Variants in CCDC178 observed in about 807,000 individuals in gnomAD.
CCDC178 encodes the protein coiled-coil domain containing 178, also known as coiled-coil domain-containing protein 178.
A neutral mutation model predicts 117.4 loss-of-function variants in CCDC178; 126 were observed. That is an observed-to-expected ratio of 1.07 (90% CI 0.93 to 1.24). The LOEUF is 1.24. Ranked by LOEUF, CCDC178 falls within the 50% of genes most tolerant of loss-of-function variation. The pLI is 0.00. For missense variants in CCDC178, 1,030 were observed against 986.9 expected, an observed-to-expected ratio of 1.04 and a Z score of -0.59; for synonymous variants, 283 against 313.4, an observed-to-expected ratio of 0.90 and a Z score of 1.02.
At chr18:33,077,941 T>C (rs1000345405) in intron 21 of CCDC178, among the ~76,000 whole-genome samples, 6 of 152,110 alleles carry the variant, frequency 3.9e-5, no homozygotes, top group Non-Finnish European at 7.4e-5. Flanking sequence ...GAAGCCAGCA[T>C]CATCCTGACA....
chr18:32,983,171 A>C (rs746521714), intron 21 of CCDC178: 4 of 630,020 alleles, frequency 6.3e-6, no homozygotes, highest in African/African-American at 1.8e-5. Context: ...AGTACACTGG[A>C]GTGGGAATTG....
intron 14 of CCDC178, among the ~76,000 whole-genome samples, chr18:33,261,415 G>T (rs1402379968): frequency 6.6e-6 from 1 of 150,814 alleles, no homozygotes; most frequent in Non-Finnish European, 1.5e-5. Flanking sequence ...CATGGCCAAG[G>T]TATGCCCCCC....
At chr18:33,098,093 A>G (rs2057569619) in intron 20 of CCDC178, among the ~76,000 whole-genome samples, 2 of 152,102 alleles carry the variant, frequency 1.3e-5, no homozygotes, top group Non-Finnish European at 2.9e-5. Flanking sequence ...CAAAGTTTAA[A>G]TCTATTTGAA....
At chr18:33,263,804 T>C (rs1057293130) in intron 14 of CCDC178, among the ~76,000 whole-genome samples, 5 of 151,740 alleles carry the variant, frequency 3.3e-5, no homozygotes, top group Admixed American at 6.6e-5. Context: ...AGTTGAAAAA[T>C]AGAAACTTTT....
chr18:33,037,778 G>A (rs1418861576), intron 21 of CCDC178, among the ~76,000 whole-genome samples: 1 of 151,826 alleles, frequency 6.6e-6, no homozygotes, highest in African/African-American at 2.4e-5. Context: ...AACTACACTA[G>A]CTCATTCATA....
chr18:33,084,892 C>T (rs771969700), intron 21 of CCDC178, among the ~76,000 whole-genome samples: 1 of 152,030 alleles, frequency 6.6e-6, no homozygotes, highest in South Asian at 2.1e-4. Context: ...CATGCCTGGT[C>T]TTATACATGT....
chr18:33,313,450 T>C (rs927926627), intron 11 of CCDC178, among the ~76,000 whole-genome samples: 5 of 152,138 alleles, frequency 3.3e-5, no homozygotes, highest in Admixed American at 1.3e-4. Context: ...TCTCAAAAAA[T>C]GGAATAAAAG....
chr18:33,177,417 T>C (rs1204673481), intron 20 of CCDC178, among the ~76,000 whole-genome samples: 1 of 152,200 alleles, frequency 6.6e-6, no homozygotes, highest in Non-Finnish European at 1.5e-5. Context: ...ATCTGCCACC[T>C]TTCTTCTCTA....
intron 2 of CCDC178, among the ~76,000 whole-genome samples, chr18:33,417,734 G>A (rs983142055): frequency 2.0e-5 from 3 of 152,048 alleles, no homozygotes; most frequent in Non-Finnish European, 1.5e-5. Context: ...GTATTTCTAA[G>A]CAATTTCCTA....
At chr18:33,089,746 G>A (rs930256819) in intron 21 of CCDC178, among the ~76,000 whole-genome samples, 13 of 152,106 alleles carry the variant, frequency 8.5e-5, no homozygotes, top group African/African-American at 2.7e-4. Flanking sequence ...AATACATGGT[G>A]ACTTCATCAA....
At chr18:33,151,013 A>C (rs2058335536) in intron 20 of CCDC178, among the ~76,000 whole-genome samples, 1 of 152,170 alleles carries the variant, frequency 6.6e-6, no homozygotes, top group South Asian at 2.1e-4. Flanking sequence ...AATCAAATGT[A>C]TGTTCTCACT....
intron 20 of CCDC178, among the ~76,000 whole-genome samples, chr18:33,106,972 A>C (rs2057714889): frequency 6.6e-6 from 1 of 151,830 alleles, no homozygotes; most frequent in East Asian, 2.0e-4. Flanking sequence ...AGAGACGAAC[A>C]ATTGCAAGAA....
intron 20 of CCDC178, among the ~76,000 whole-genome samples, chr18:33,168,310 A>T (rs1238522079): frequency 6.6e-6 from 1 of 152,132 alleles, no homozygotes; most frequent in Non-Finnish European, 1.5e-5. Context: ...ATGGCTAGCC[A>T]GTTGTCCCAG....
At chr18:33,042,058 T>C (rs553646124) in intron 21 of CCDC178, among the ~76,000 whole-genome samples, 20 of 152,052 alleles carry the variant, frequency 1.3e-4, no homozygotes, top group African/African-American at 4.3e-4. Flanking sequence ...ATTGAAGTTA[T>C]TGATTTAGGA....
rs115384782 is a variant in CCDC178, at chr18:33,362,616, G to A, written c.349-6270C>T. Among the ~76,000 whole-genome samples, 240 of 151,940 alleles carry A rather than the reference G, an allele frequency of 1.6e-3. 2 individuals are homozygous for A. Among genetic ancestry groups the A allele is most frequent in the African/African-American group, 5.6e-3 (234 of 41,472 alleles). Reference sequence around the variant, plus strand: ...TGAGACTAACATAGATATGTTAGCCGGCTTCACTATAGTAACCATTGTACT... The same window carrying A: ...TGAGACTAACATAGATATGTTAGCCAGCTTCACTATAGTAACCATTGTACT... On this transcript the variant is annotated intron_variant, in intron 6 of 22. Coordinates refer to ENST00000383096, the MANE Select transcript of CCDC178 (RefSeq NM_001105528.4).
intron 21 of CCDC178, among the ~76,000 whole-genome samples, chr18:33,019,575 A>T (rs2056068309): frequency 6.6e-6 from 1 of 152,148 alleles, no homozygotes; most frequent in Non-Finnish European, 1.5e-5. Flanking sequence ...ATTATCTTTA[A>T]ATAAAACAAA....
At chr18:33,071,267 A>G (rs2057104149) in intron 21 of CCDC178, among the ~76,000 whole-genome samples, 1 of 152,098 alleles carries the variant, frequency 6.6e-6, no homozygotes, top group African/African-American at 2.4e-5. Flanking sequence ...AAGAAGAAAG[A>G]TCTGTCTATA....
intron 21 of CCDC178, among the ~76,000 whole-genome samples, chr18:33,057,897 A>G (rs1037102284): frequency 6.6e-6 from 1 of 152,218 alleles, no homozygotes; most frequent in Non-Finnish European, 1.5e-5. Flanking sequence ...AGTATTACAA[A>G]TAATTGTTTG....
chr18:33,393,222 A>G (rs989788099), intron 4 of CCDC178, among the ~76,000 whole-genome samples: 1 of 152,126 alleles, frequency 6.6e-6, no homozygotes, highest in Non-Finnish European at 1.5e-5. Flanking sequence ...TGCTTTAGTG[A>G]GCTTTAACAT....
Sources: gnomAD v4.1 joint callset for allele counts (sites outside exome capture counted in the v4.1 genomes callset) on GRCh38, gnomAD v4.1.1 for gene constraint, MANE v1.5 for transcripts, NCBI Gene and HGNC (gene_info 2026-07-23, HGNC 2026-07-21) for gene names.